The following RBM20 variants were observed in gnomAD, a reference collection of about 807,000 sequenced individuals.
RBM20 encodes RNA-binding protein 20.
RBM20 carries 51 observed loss-of-function variants against 110.1 expected under a neutral mutation model. The ratio of observed to expected loss-of-function variants is 0.46; its 90% confidence interval spans 0.37 to 0.59. The LOEUF is 0.59. Ranked by LOEUF, RBM20 falls within the 20% of genes least tolerant of loss-of-function variation. The pLI is 0.00. For missense variants in RBM20, 1,512 were observed against 1,574.9 expected, an observed-to-expected ratio of 0.96 and a Z score of 0.68; for synonymous variants, 589 against 618.2, an observed-to-expected ratio of 0.95 and a Z score of 0.70.
At chr10:110,695,831 A>T (rs1034854183) in intron 1 of RBM20, among the ~76,000 whole-genome samples, 1 of 152,242 alleles carries the variant, frequency 6.6e-6, no homozygotes, top group Non-Finnish European at 1.5e-5. Flanking sequence ...TAAGGATGCA[A>T]CTACTAGTTC....
At chr10:110,756,191 G>A (rs1490766518) in intron 1 of RBM20, among the ~76,000 whole-genome samples, 1 of 152,182 alleles carries the variant, frequency 6.6e-6, no homozygotes, top group Non-Finnish European at 1.5e-5. Context: ...TTTAAACCTT[G>A]AGTGTTAAGA....
At chr10:110,819,471 C>T (rs1469132297) in intron 9 of RBM20, among the ~76,000 whole-genome samples, 2 of 152,192 alleles carry the variant, frequency 1.3e-5, no homozygotes, top group Non-Finnish European at 2.9e-5. Context: ...AAACCAAACA[C>T]CTGCTTTCAA....
intron 1 of RBM20, among the ~76,000 whole-genome samples, chr10:110,768,442 A>G (rs1037517198): frequency 1.3e-5 from 2 of 152,240 alleles, no homozygotes; most frequent in Non-Finnish European, 2.9e-5. Flanking sequence ...TATTTTTCTC[A>G]ATAAATAGTT....
intron 1 of RBM20, among the ~76,000 whole-genome samples, chr10:110,677,486 T>C (rs1409226170): frequency 2.0e-5 from 3 of 152,006 alleles, no homozygotes; most frequent in Non-Finnish European, 4.4e-5. Context: ...GCCCAGCTAA[T>C]TTTTTGTATT....
At chr10:110,831,677 A>C (rs1014524566) in intron 13 of RBM20, among the ~76,000 whole-genome samples, 2 of 139,722 alleles carry the variant, frequency 1.4e-5, no homozygotes, top group Admixed American at 7.5e-5. Flanking sequence ...AAAAAAAAAA[A>C]AAAAAAAAAA....
intron 1 of RBM20, among the ~76,000 whole-genome samples, chr10:110,648,786 C>A (rs1304896167): frequency 6.6e-6 from 1 of 151,992 alleles, no homozygotes; most frequent in Non-Finnish European, 1.5e-5. Flanking sequence ...AAAGTTTTAT[C>A]AGAAAAAGAA....
At chr10:110,748,630 C>T (rs528620202) in intron 1 of RBM20, among the ~76,000 whole-genome samples, 1 of 152,282 alleles carries the variant, frequency 6.6e-6, no homozygotes, top group South Asian at 2.1e-4. Flanking sequence ...CGTAATCACA[C>T]TTACGAGTTG....
At chr10:110,698,497 A>T (rs1444822841) in intron 1 of RBM20, among the ~76,000 whole-genome samples, 2 of 152,196 alleles carry the variant, frequency 1.3e-5, no homozygotes, top group Non-Finnish European at 2.9e-5. Context: ...ACACCCTGTG[A>T]GGAGGGTGCA....
chr10:110,772,363 C>T (rs1440449737), intron 1 of RBM20, among the ~76,000 whole-genome samples: 1 of 152,238 alleles, frequency 6.6e-6, no homozygotes, highest in East Asian at 1.9e-4. Context: ...TTCATGCTGT[C>T]TGGCCTGCAA....
At chr10:110,816,599 C>T (rs1368334172) in intron 9 of RBM20, among the ~76,000 whole-genome samples, 3 of 152,150 alleles carry the variant, frequency 2.0e-5, no homozygotes, top group Non-Finnish European at 4.4e-5. Flanking sequence ...AAACCTATCA[C>T]TTAATGTCTT....
intron 7 of RBM20, among the ~76,000 whole-genome samples, chr10:110,808,621 C>T (rs972986827): frequency 3.3e-5 from 5 of 152,186 alleles, no homozygotes; most frequent in African/African-American, 1.2e-4. Context: ...TTCTCTTTGA[C>T]TTTCTTTCAT....
chr10:110,822,469 ACTCCATT>A (rs1357607174), intron 11 of RBM20: 3 of 456,518 alleles, frequency 6.6e-6, no homozygotes, highest in Non-Finnish European at 1.3e-5. Context: ...ATATTCTCTC[ACTCCATT>A]GGAGGTGACG....
At chr10:110,651,130 C>T (rs1005011818) in intron 1 of RBM20, among the ~76,000 whole-genome samples, 9 of 152,198 alleles carry the variant, frequency 5.9e-5, no homozygotes, top group African/African-American at 2.2e-4. Context: ...AATTAGGTGG[C>T]TCTTGTGCAA....
intron 7 of RBM20, among the ~76,000 whole-genome samples, chr10:110,807,516 T>G (rs557600703): frequency 5.3e-5 from 8 of 152,172 alleles, no homozygotes; most frequent in African/African-American, 1.9e-4. Flanking sequence ...GTGCCATCTG[T>G]GATAACCAAC....
In RBM20 at chr10:110,823,471, G is replaced by C. The variant is rs899956804; in HGVS notation, c.3317-9G>C. 1 of 857,006 alleles carries C rather than the reference G, an allele frequency of 1.2e-6. No individual in the cohort carries two copies. The highest frequency in any genetic ancestry group is 3.0e-5 in the African/African-American group (1 of 33,040). The allele number at this position is 857,006 out of a possible 1,614,324, so 53.1% of individuals were successfully genotyped here. Reference sequence around the variant, plus strand: ...TTTTTTTTTTTTTGCCTTGGTTCATGTTTTGCAGAAAACTCCAGGTACGTG... The same window carrying C: ...TTTTTTTTTTTTTGCCTTGGTTCATCTTTTGCAGAAAACTCCAGGTACGTG... On this transcript the variant is annotated splice_polypyrimidine_tract_variant and intron_variant, in intron 11 of 13. Transcript: ENST00000369519.
intron 1 of RBM20, among the ~76,000 whole-genome samples, chr10:110,774,616 G>A (rs973552590): frequency 6.6e-6 from 1 of 151,986 alleles, no homozygotes; most frequent in African/African-American, 2.4e-5. Flanking sequence ...GACTTAGGCG[G>A]TTTCACAGAG....
At chr10:110,797,772 G>T (rs560378168) in intron 6 of RBM20, 124 bp downstream of exon 6, 2 of 1,021,078 alleles carry the variant, frequency 2.0e-6, no homozygotes, top group East Asian at 5.2e-5. Context: ...CTGGCCTTCT[G>T]TTGGCATGGC....
chr10:110,763,450 A>C (rs931567438), intron 1 of RBM20, among the ~76,000 whole-genome samples: 1 of 152,192 alleles, frequency 6.6e-6, no homozygotes, highest in African/African-American at 2.4e-5. Flanking sequence ...AGTGGACACC[A>C]GGCATTGCAG....
rs1235614720 is a variant in RBM20 at position 110,697,913 on chromosome 10, C to CTT, written c.191+53279_191+53280dup. Among the ~76,000 whole-genome samples the CTT allele has an allele frequency of 3.1e-4, 36 of 117,936 alleles. 1 individual carries two copies. The highest frequency in any genetic ancestry group is 2.3e-4 in the East Asian group (1 of 4,350). 77.4% of individuals were successfully genotyped at this position (117,936 alleles called of 152,430 possible). A position where few individuals can be genotyped will look rare whatever the true frequency, so the allele number is the denominator to read the frequency against. On this transcript the variant is annotated intron_variant, in intron 1 of 13. Coordinates refer to ENST00000369519, the MANE Select transcript of RBM20 (RefSeq NM_001134363.3). ...AGGGGCCTTGTTTCTTTTTTTTTTT[C>CTT]TTTTTTTTTTTTGAGACTGAGTCTC...
Sources: gnomAD v4.1 joint callset for allele counts (sites outside exome capture counted in the v4.1 genomes callset) on GRCh38, gnomAD v4.1.1 for gene constraint, MANE v1.5 for transcripts, NCBI Gene and HGNC (gene_info 2026-07-23, HGNC 2026-07-21) for gene names.